Variants in PRKD1 observed in about 807,000 individuals in gnomAD.
PRKD1 encodes the protein serine/threonine-protein kinase D1.
PRKD1 carries 63 observed loss-of-function variants against 95.9 expected under a neutral mutation model. The observed-to-expected ratio is 0.66, with a 90% confidence interval of 0.54 to 0.81. PRKD1 has a LOEUF of 0.81. PRKD1 is among the 30% of genes least tolerant of loss of function. PRKD1 has a pLI of 0.00. For missense variants in PRKD1, 1,048 were observed against 1,165.3 expected, an observed-to-expected ratio of 0.90 and a Z score of 1.47; for synonymous variants, 425 against 423.1, an observed-to-expected ratio of 1.00 and a Z score of -0.05.
chr14:29,712,044 T>C (rs1002238152), intron 2 of PRKD1, among the ~76,000 whole-genome samples: 2 of 152,150 alleles, frequency 1.3e-5, no homozygotes, highest in African/African-American at 4.8e-5. Context: ...TTGCAAACTA[T>C]CCAACTTTCG....
chr14:29,900,666 G>C (rs1894289927), intron 1 of PRKD1, among the ~76,000 whole-genome samples: 1 of 152,020 alleles, frequency 6.6e-6, no homozygotes, highest in South Asian at 2.1e-4. Flanking sequence ...ATTTAAAAAT[G>C]GGCAAAAAAC....
At chr14:29,782,788 G>A (rs756486488) in intron 1 of PRKD1, among the ~76,000 whole-genome samples, 2 of 151,936 alleles carry the variant, frequency 1.3e-5, no homozygotes, top group South Asian at 2.1e-4. Context: ...CAACTAATCC[G>A]CCGCCTTGGC....
chr14:29,579,031 G>T (rs1224403972), intron 16 of PRKD1, among the ~76,000 whole-genome samples: 1 of 151,954 alleles, frequency 6.6e-6, no homozygotes, highest in Non-Finnish European at 1.5e-5. Flanking sequence ...TATTTAACAA[G>T]AAATGTTCTC....
At chr14:29,614,946 A>G (rs1594363485) in intron 13 of PRKD1, among the ~76,000 whole-genome samples, 1 of 148,546 alleles carries the variant, frequency 6.7e-6, no homozygotes, top group East Asian at 2.0e-4. Flanking sequence ...TACTGAGCTC[A>G]GGCAGTCTGC....
intron 16 of PRKD1, chr14:29,592,785 C>T (rs902731545): frequency 2.0e-5 from 3 of 152,086 alleles, no homozygotes; most frequent in African/African-American, 7.2e-5. Context: ...GATGAGATCA[C>T]CAAGATACTA....
chr14:29,818,011 CAAATT>C (rs1041801745), intron 1 of PRKD1, among the ~76,000 whole-genome samples: 1 of 152,000 alleles, frequency 6.6e-6, no homozygotes, highest in African/African-American at 2.4e-5. Flanking sequence ...GAGAGAAAAA[CAAATT>C]AAAGTTGTAA....
chr14:29,598,255 C>T (rs1893383000), intron 15 of PRKD1, among the ~76,000 whole-genome samples: 1 of 149,618 alleles, frequency 6.7e-6, no homozygotes, highest in Non-Finnish European at 1.5e-5. Flanking sequence ...CAGCCTGGGG[C>T]AACAGAGTGC....
chr14:29,692,565 T>C (rs946672663), intron 2 of PRKD1, among the ~76,000 whole-genome samples: 7 of 152,210 alleles, frequency 4.6e-5, no homozygotes, highest in African/African-American at 1.7e-4. Flanking sequence ...AAGAGGAATG[T>C]AAAACTGTTT....
chr14:29,814,286 C>A (rs552240456), intron 1 of PRKD1, among the ~76,000 whole-genome samples: 4 of 152,298 alleles, frequency 2.6e-5, no homozygotes, highest in East Asian at 1.9e-4. Context: ...GGTATGGCAA[C>A]AACACTGGGT....
At chr14:29,827,747 G>A (rs1891254803) in intron 1 of PRKD1, among the ~76,000 whole-genome samples, 1 of 152,116 alleles carries the variant, frequency 6.6e-6, no homozygotes, top group Admixed American at 6.6e-5. Context: ...CCATTCCAGA[G>A]TGGAATTATT....
intron 14 of PRKD1, among the ~76,000 whole-genome samples, 200 bp downstream of exon 14, chr14:29,599,456 C>T (rs1224893443): frequency 1.3e-5 from 2 of 152,112 alleles, no homozygotes; most frequent in Non-Finnish European, 2.9e-5. Flanking sequence ...GACCTGCAAA[C>T]ATGTTACTAA....
chr14:29,806,039 A>G (rs1890218053), intron 1 of PRKD1, among the ~76,000 whole-genome samples: 1 of 152,216 alleles, frequency 6.6e-6, no homozygotes, highest in Non-Finnish European at 1.5e-5. Flanking sequence ...CCAGACACAG[A>G]TGCACTAAAT....
At chr14:29,699,005 T>C (rs1168473478) in intron 2 of PRKD1, among the ~76,000 whole-genome samples, 1 of 152,152 alleles carries the variant, frequency 6.6e-6, no homozygotes, top group East Asian at 1.9e-4. Flanking sequence ...CCATGAATAT[T>C]GCCATGTCAA....
intron 17 of PRKD1, among the ~76,000 whole-genome samples, chr14:29,577,948 T>A (rs192747515): frequency 1.3e-5 from 2 of 152,150 alleles, no homozygotes; most frequent in Non-Finnish European, 2.9e-5. Context: ...GGATTACACA[T>A]ACAGATGCTT....
At chr14:29,890,334 T>C (rs184231639) in intron 1 of PRKD1, among the ~76,000 whole-genome samples, 1 of 152,292 alleles carries the variant, frequency 6.6e-6, no homozygotes, top group Non-Finnish European at 1.5e-5. Flanking sequence ...CTTCATCAAA[T>C]AAATAATTTC....
intron 1 of PRKD1, among the ~76,000 whole-genome samples, chr14:29,849,663 C>G (rs1892226041): frequency 6.6e-6 from 1 of 151,674 alleles, no homozygotes; most frequent in Admixed American, 6.6e-5. Flanking sequence ...GAGCTGGTAC[C>G]AATCCCACCG....
chr14:29,801,579 A>T (rs1890030665), intron 1 of PRKD1, among the ~76,000 whole-genome samples: 1 of 152,206 alleles, frequency 6.6e-6, no homozygotes. Flanking sequence ...AAAACAAAAC[A>T]AAACAAAAAA....
At chr14:29,746,811 C>T (rs759357129) in intron 1 of PRKD1, among the ~76,000 whole-genome samples, 1 of 152,240 alleles carries the variant, frequency 6.6e-6, no homozygotes, top group Non-Finnish European at 1.5e-5. Context: ...ATATAACTTC[C>T]TTTCTCAGTT....
Position 29,927,563 on chromosome 14 carries a change from G to T in PRKD1, c.-51C>A, listed in dbSNP as rs1267551186. On this transcript the variant is annotated 5_prime_UTR_variant, in exon 1 of 18. Transcript: ENST00000331968. ...AGCGGAGGGCGGGGGCTGGCGGCGCGGCAGCAGGAAAGTTTTGCAGCCGCT... is the reference window on the plus strand; with the variant it reads ...AGCGGAGGGCGGGGGCTGGCGGCGCTGCAGCAGGAAAGTTTTGCAGCCGCT... 2.7e-6 allele frequency: 3 copies of T among 1,120,600 alleles called. No homozygotes were observed. The highest frequency in any genetic ancestry group is 4.3e-5 in the South Asian group (1 of 23,344). 69.4% of individuals were successfully genotyped at this position (1,120,600 alleles called of 1,614,324 possible).
Sources: allele counts gnomAD v4.1 joint callset (sites outside exome capture counted in the v4.1 genomes callset), GRCh38; gene constraint gnomAD v4.1.1; transcripts MANE v1.5; gene names NCBI Gene and HGNC (gene_info 2026-07-23, HGNC 2026-07-21).